ZFAND3: variants seen among roughly 807,000 people sequenced by gnomAD.
ZFAND3 encodes AN1-type zinc finger protein 3.
ZFAND3 carries 10 observed loss-of-function variants against 29.6 expected under a neutral mutation model. That is an observed-to-expected ratio of 0.34 (90% confidence interval 0.21 to 0.57). The LOEUF is 0.57. Ranked by LOEUF, ZFAND3 falls within the 20% of genes least tolerant of loss-of-function variation. The probability of loss-of-function intolerance (pLI) is 0.86; values close to 1 mark genes in which losing one functional copy is unlikely to be tolerated. For synonymous variants in ZFAND3, 128 were observed against 112.6 expected (o/e 1.14, Z -0.87); for missense variants, 230 against 304.5 (o/e 0.76, Z 1.82).
intron 5 of ZFAND3, among the ~76,000 whole-genome samples, chr6:38,148,832 T>C (rs916218876): frequency 1.3e-4 from 20 of 152,168 alleles, no homozygotes; most frequent in African/African-American, 4.8e-4. Flanking sequence ...CTGCTCAGCA[T>C]TTGGGACAAG....
chr6:38,109,669 G>C (rs1229000232), intron 4 of ZFAND3, among the ~76,000 whole-genome samples: 1 of 152,100 alleles, frequency 6.6e-6, no homozygotes, highest in Non-Finnish European at 1.5e-5. Context: ...CTGTGAGGAA[G>C]TGAAAAACCT....
intron 2 of ZFAND3, among the ~76,000 whole-genome samples, chr6:38,026,542 G>A (rs1255164121): frequency 6.9e-6 from 1 of 145,516 alleles, no homozygotes; most frequent in Non-Finnish European, 1.5e-5. Context: ...TGATTCTCGT[G>A]CCTCAGCCTC....
intron 1 of ZFAND3, among the ~76,000 whole-genome samples, chr6:37,864,751 A>G (rs1428959833): frequency 2.5e-4 from 37 of 150,590 alleles, no homozygotes; most frequent in Admixed American, 2.5e-3. Context: ...ACACACACAC[A>G]CACACACACA....
At chr6:37,850,725 A>G (rs1025137153) in intron 1 of ZFAND3, among the ~76,000 whole-genome samples, 2 of 152,176 alleles carry the variant, frequency 1.3e-5, no homozygotes, top group African/African-American at 4.8e-5. Context: ...ACCTAATGAC[A>G]TGTTTTTCAG....
At chr6:38,106,795 C>G (rs1463181883) in intron 4 of ZFAND3, among the ~76,000 whole-genome samples, 3 of 152,072 alleles carry the variant, frequency 2.0e-5, no homozygotes, top group African/African-American at 7.2e-5. Flanking sequence ...CTTCAAAGCC[C>G]AATGTCTGTT....
intron 4 of ZFAND3, among the ~76,000 whole-genome samples, chr6:38,097,068 G>A (rs987345502): frequency 6.6e-6 from 1 of 151,970 alleles, no homozygotes; most frequent in South Asian, 2.1e-4. Flanking sequence ...CTGTGGATGA[G>A]TGGGGAAGAT....
intron 3 of ZFAND3, among the ~76,000 whole-genome samples, chr6:38,069,129 T>A (rs1261544506): frequency 6.6e-6 from 1 of 152,204 alleles, no homozygotes; most frequent in Non-Finnish European, 1.5e-5. Flanking sequence ...TTGTTTGTTT[T>A]TACCAATTAA....
chr6:37,902,213 C>G (rs1420201939), intron 1 of ZFAND3, among the ~76,000 whole-genome samples: 1 of 151,902 alleles, frequency 6.6e-6, no homozygotes, highest in Non-Finnish European at 1.5e-5. Context: ...CATTGGGAGG[C>G]CAAGCCAGGA....
At chr6:37,963,863 A>G (rs17648019) in intron 2 of ZFAND3, among the ~76,000 whole-genome samples, 2,884 of 152,320 alleles carry the variant, frequency 0.019, 34 homozygotes, top group Non-Finnish European at 0.028. Flanking sequence ...GAGTAAGTAA[A>G]TAATGCAAGG....
intron 2 of ZFAND3, among the ~76,000 whole-genome samples, chr6:38,004,346 C>T (rs1205951027): frequency 1.3e-5 from 2 of 152,044 alleles, no homozygotes; most frequent in Non-Finnish European, 2.9e-5. Flanking sequence ...ATATTGCTTG[C>T]CTTGGTGATA....
Position 38,061,640 on chromosome 6 carries a change from A to G in ZFAND3, c.160A>G (p.Asn54Asp). 6.2e-7 allele frequency: 1 copy of G among 1,614,198 alleles called. No individual in the cohort carries two copies. The highest frequency in any genetic ancestry group is 8.5e-7 in the Non-Finnish European group (1 of 1,180,020). Residue 54 changes from asparagine to aspartate, a missense_variant, in exon 3 of 6, where the codon AAC (asparagine) becomes GAC (aspartate). Around this residue, in one of 2 missense-constraint regions of ZFAND3, gnomAD observed 180 missense variants for 202.5 expected, o/e 0.89. Transcript: ENST00000287218. ...CGATGATTCCGCTCCAAGTACAAGT[A>G]ACAGCCAATCAGATTTGTTTTCCGA... is the stretch of plus-strand genomic sequence containing the variant. ...PDDDSAPSTS[N>D]SQSDLFSEET...
intron 4 of ZFAND3, among the ~76,000 whole-genome samples, chr6:38,088,037 T>G (rs1006194762): frequency 2.0e-5 from 3 of 152,158 alleles, no homozygotes; most frequent in Non-Finnish European, 4.4e-5. Flanking sequence ...CCCATAAATC[T>G]TAGTAATACC....
At chr6:37,916,248 G>C (rs1230813536) in intron 1 of ZFAND3, among the ~76,000 whole-genome samples, 1 of 152,174 alleles carries the variant, frequency 6.6e-6, no homozygotes, top group East Asian at 1.9e-4. Flanking sequence ...ATGTGAAACA[G>C]ATATGAAGTA....
chr6:37,885,971 C>T (rs537535835), intron 1 of ZFAND3, among the ~76,000 whole-genome samples: 7 of 152,060 alleles, frequency 4.6e-5, no homozygotes, highest in African/African-American at 1.4e-4. Flanking sequence ...GGTGCGGTGG[C>T]TTATGCCAGT....
intron 5 of ZFAND3, among the ~76,000 whole-genome samples, chr6:38,125,438 A>G (rs1765616554): frequency 6.6e-6 from 1 of 152,186 alleles, no homozygotes; most frequent in African/African-American, 2.4e-5. Context: ...AGAAACATGA[A>G]GAGCTCCCTC....
chr6:37,932,426 C>T (rs572617670), intron 2 of ZFAND3, among the ~76,000 whole-genome samples: 2 of 152,162 alleles, frequency 1.3e-5, no homozygotes, highest in Non-Finnish European at 2.9e-5. Flanking sequence ...AACCCCAAAT[C>T]CCAAATCTGA....
chr6:37,928,531 A>AT (rs900710785), intron 1 of ZFAND3, among the ~76,000 whole-genome samples: 3 of 151,962 alleles, frequency 2.0e-5, no homozygotes, highest in Admixed American at 2.0e-4. Flanking sequence ...TATTATTACT[A>AT]TTTTTTGGAG....
At chr6:37,821,264 AAG>A (rs1369781898) in intron 1 of ZFAND3, among the ~76,000 whole-genome samples, 6 of 152,246 alleles carry the variant, frequency 3.9e-5, no homozygotes, top group Non-Finnish European at 8.8e-5. Flanking sequence ...GGTTATGACA[AAG>A]AAGTGGATTT....
intron 1 of ZFAND3, among the ~76,000 whole-genome samples, chr6:37,840,637 G>A (rs568593964): frequency 1.3e-5 from 2 of 152,160 alleles, no homozygotes; most frequent in African/African-American, 4.8e-5. Context: ...GTTTGGTAGG[G>A]GTTGCATTGC....
Sources: allele counts gnomAD v4.1 joint callset (sites outside exome capture counted in the v4.1 genomes callset), GRCh38; gene constraint gnomAD v4.1.1; regional missense constraint gnomAD v4.1.1; transcripts MANE v1.5; gene names NCBI Gene and HGNC (gene_info 2026-07-23, HGNC 2026-07-21).